Variants in VDAC1 observed in about 807,000 individuals in gnomAD.
The protein encoded by VDAC1 is non-selective voltage-gated ion channel VDAC1.
VDAC1 carries 10 observed loss-of-function variants against 34.7 expected under a neutral mutation model. That is an observed-to-expected ratio of 0.29 (90% CI 0.18 to 0.49). VDAC1 has a LOEUF of 0.49. Ranked by LOEUF, VDAC1 falls within the 20% of genes least tolerant of loss-of-function variation. The probability of loss-of-function intolerance (pLI) is 0.99; values close to 1 mark genes in which losing one functional copy is unlikely to be tolerated. For synonymous variants in VDAC1, 130 were observed against 136.0 expected (o/e 0.96, Z 0.30); for missense variants, 230 against 347.9 (o/e 0.66, Z 2.69).
chr5:134,022,020 A>T, the VDAC1 span, among the ~76,000 whole-genome samples: 4 of 152,058 alleles, frequency 2.6e-5, no homozygotes, highest in South Asian at 4.1e-4. Flanking sequence ...AGCTGGGGTT[A>T]CAGGCATGTG....
chr5:134,075,120 C>T, the VDAC1 span, among the ~76,000 whole-genome samples: 1 of 152,220 alleles, frequency 6.6e-6, no homozygotes, highest in African/African-American at 2.4e-5. Context: ...ACTACCATCG[C>T]TGCTACTATT....
intron 6 of VDAC1, 84 bp downstream of exon 6, chr5:133,980,645 A>AAC: frequency 9.7e-7 from 1 of 1,027,330 alleles, no homozygotes; most frequent in Non-Finnish European, 1.4e-6. Flanking sequence ...AAAAAAAAAA[A>AAC]AAAAAAAACA....
At chr5:134,107,867 G>A in the VDAC1 span, among the ~76,000 whole-genome samples, 1 of 152,208 alleles carries the variant, frequency 6.6e-6, no homozygotes, top group African/African-American at 2.4e-5. Flanking sequence ...ATGAGAAAAA[G>A]AAGGCTCCAG....
the VDAC1 span, among the ~76,000 whole-genome samples, chr5:134,070,463 A>T: frequency 1.4e-5 from 2 of 141,254 alleles, no homozygotes; most frequent in African/African-American, 6.4e-5. Context: ...GGTTTTATCT[A>T]AACAACATTT....
chr5:134,049,043 A>G, the VDAC1 span, among the ~76,000 whole-genome samples: 9 of 152,208 alleles, frequency 5.9e-5, no homozygotes, highest in Non-Finnish European at 1.3e-4. Flanking sequence ...CAGTAATCCT[A>G]TGAGGTAGCC....
At chr5:134,105,283 C>T in the VDAC1 span, among the ~76,000 whole-genome samples, 2 of 152,204 alleles carry the variant, frequency 1.3e-5, no homozygotes, top group African/African-American at 4.8e-5. Flanking sequence ...GGGGTTCCTG[C>T]TGCCCCCCAC....
chr5:134,078,470 C>T, the VDAC1 span, among the ~76,000 whole-genome samples: 1 of 152,074 alleles, frequency 6.6e-6, no homozygotes, highest in Non-Finnish European at 1.5e-5. Flanking sequence ...AGGGACCCGC[C>T]ACCGCAAGGC....
the VDAC1 span, among the ~76,000 whole-genome samples, chr5:134,022,849 A>G: frequency 5.2e-3 from 790 of 152,336 alleles, 5 homozygotes; most frequent in African/African-American, 0.018. Context: ...GCTGTGGAGA[A>G]ATAGGAACGC....
the VDAC1 span, among the ~76,000 whole-genome samples, chr5:134,024,257 G>A: frequency 2.0e-5 from 3 of 151,942 alleles, no homozygotes; most frequent in African/African-American, 4.8e-5. Context: ...GGCCGGGTGC[G>A]GTCACTCACA....
chr5:133,992,676 C>T (rs1233551690), intron 2 of VDAC1, among the ~76,000 whole-genome samples: 1 of 152,250 alleles, frequency 6.6e-6, no homozygotes, highest in Non-Finnish European at 1.5e-5. Flanking sequence ...ATAGAAGCCG[C>T]GCTCCACTGC....
intron 2 of VDAC1, 37 bp from the exon 3 acceptor site, chr5:133,992,392 T>A: frequency 6.6e-7 from 1 of 1,513,666 alleles, no homozygotes; most frequent in South Asian, 1.3e-5. Context: ...ATAGGTTAAA[T>A]AACTAGAGAA....
the VDAC1 span, among the ~76,000 whole-genome samples, chr5:134,024,148 G>GA: frequency 1.8e-4 from 25 of 140,958 alleles, no homozygotes; most frequent in South Asian, 4.5e-4. Flanking sequence ...ATCTCCAGAG[G>GA]AAAAAAAAAA....
At chr5:134,037,231 G>C in the VDAC1 span, among the ~76,000 whole-genome samples, 17 of 152,116 alleles carry the variant, frequency 1.1e-4, no homozygotes, top group Admixed American at 1.1e-3. Flanking sequence ...CAGAAACCTG[G>C]ATGCCCACCA....
intron 5 of VDAC1, among the ~76,000 whole-genome samples, chr5:133,981,317 A>G (rs1163510041): frequency 6.6e-6 from 1 of 152,212 alleles, no homozygotes; most frequent in African/African-American, 2.4e-5. Flanking sequence ...TGCATCTTTG[A>G]TATTTTCCAA....
the VDAC1 span, among the ~76,000 whole-genome samples, chr5:134,110,929 T>C: frequency 6.6e-6 from 1 of 152,192 alleles, no homozygotes; most frequent in Non-Finnish European, 1.5e-5. Flanking sequence ...ATTCAGATGA[T>C]TTACATGACG....
At chr5:134,001,590 C>A (rs1031105309) in intron 1 of VDAC1, among the ~76,000 whole-genome samples, 1 of 151,748 alleles carries the variant, frequency 6.6e-6, no homozygotes, top group Non-Finnish European at 1.5e-5. Context: ...TGGTGGCAGG[C>A]GCCTGTAATC....
At chr5:133,990,023 A>G (rs938667334) in intron 5 of VDAC1, among the ~76,000 whole-genome samples, 1 of 152,220 alleles carries the variant, frequency 6.6e-6, no homozygotes, top group Non-Finnish European at 1.5e-5. Flanking sequence ...TATATAAAAC[A>G]TCTTCCCCAG....
chr5:134,009,290 C>G (rs1481981385), upstream of VDAC1, among the ~76,000 whole-genome samples: 2 of 111,442 alleles, frequency 1.8e-5, no homozygotes, highest in Non-Finnish European at 3.3e-5. Context: ...GAGTCTCTCT[C>G]TGTAGCCCAG....
the VDAC1 span, among the ~76,000 whole-genome samples, chr5:134,062,767 C>G: frequency 6.6e-6 from 1 of 151,606 alleles, no homozygotes; most frequent in Non-Finnish European, 1.5e-5. Context: ...GCTGGGAGTA[C>G]AGGCGCCCAC....
Sources: gnomAD v4.1 joint callset for allele counts (sites outside exome capture counted in the v4.1 genomes callset) on GRCh38, gnomAD v4.1.1 for gene constraint, MANE v1.5 for transcripts, NCBI Gene and HGNC (gene_info 2026-07-23, HGNC 2026-07-21) for gene names.